Variants in ZFYVE16 observed in about 807,000 individuals in gnomAD.
ZFYVE16 encodes the protein zinc finger FYVE domain-containing protein 16.
Under a neutral mutation model 138.1 loss-of-function variants are expected in ZFYVE16, and 89 were observed. The ratio of observed to expected loss-of-function variants is 0.64; its 90% CI spans 0.54 to 0.77. The LOEUF is 0.77. ZFYVE16 is among the 30% of genes least tolerant of loss of function. The probability of loss-of-function intolerance (pLI) is 0.00; values close to 1 mark genes in which losing one functional copy is unlikely to be tolerated. For synonymous variants in ZFYVE16, 596 were observed against 618.3 expected, an observed-to-expected ratio of 0.96 and a Z score of 0.53; for missense variants, 1,793 against 1,786.7, an observed-to-expected ratio of 1.00 and a Z score of -0.06.
chr5:80,437,465 C>T lies in ZFYVE16; in HGVS notation c.780C>T (p.Asp260=). 1 of 1,602,982 alleles carries T rather than the reference C, an allele frequency of 6.2e-7. No homozygotes were observed. ...RQSSKMFHAK[D]KLQHKSQPCG... ...GTTCCAAAATGTTTCATGCCAAAGACAAGCTACAACACAAGAGCCAGCCAT... is the reference window on the plus strand; with the variant it reads ...GTTCCAAAATGTTTCATGCCAAAGATAAGCTACAACACAAGAGCCAGCCAT... Residue 260 remains aspartate (D), a synonymous_variant, in exon 4 of 19, where the codon GAC becomes GAT. Transcript: ENST00000505560.
intron 10 of ZFYVE16, 147 bp from the exon 11 acceptor site, chr5:80,451,337 AT>A (rs1266888149): frequency 1.0e-5 from 6 of 585,320 alleles, no homozygotes; most frequent in Non-Finnish European, 1.7e-5. Context: ...AAGAAAAAAA[AT>A]CTATAGTGTC....
At chr5:80,434,017 C>G in intron 2 of ZFYVE16, 92 bp from the exon 3 acceptor site, 1 of 832,042 alleles carries the variant, frequency 1.2e-6, no homozygotes, top group South Asian at 2.1e-5. Context: ...ATTTCTGTGT[C>G]AATTTCTTGA....
intron 2 of ZFYVE16, among the ~76,000 whole-genome samples, chr5:80,430,613 A>G (rs1748853628): frequency 6.6e-6 from 1 of 152,090 alleles, no homozygotes; most frequent in African/African-American, 2.4e-5. Context: ...GGAGATAGAG[A>G]CACAAAAAAC....
At chr5:80,441,032 T>G in intron 5 of ZFYVE16, 1 of 985,454 alleles carries the variant, frequency 1.0e-6, no homozygotes, top group Non-Finnish European at 1.2e-6. Context: ...GTTTCCATGT[T>G]ACCACCATTG....
In ZFYVE16 at chr5:80,480,801, G is replaced by C. The variant is rs1324014241; in HGVS notation, c.*3424G>C. ...CCAGGTGTGGTGGCTCATACTTGTG[G>C]TCCCAGCTTCACGGGGGCTGAGGTG... On this transcript the variant is annotated 3_prime_UTR_variant, in exon 19 of 19. Transcript: ENST00000505560. Among the ~76,000 whole-genome samples the C allele has an allele frequency of 6.6e-6, 1 of 151,998 alleles. No homozygotes were observed. The highest frequency in any genetic ancestry group is 1.9e-4 in the East Asian group (1 of 5,184).
chr5:80,463,641 G>C (rs544628986), intron 15 of ZFYVE16, among the ~76,000 whole-genome samples: 1 of 152,100 alleles, frequency 6.6e-6, no homozygotes, highest in Non-Finnish European at 1.5e-5. Flanking sequence ...TCAGAAAATG[G>C]GTTTTTCTTT....
At chr5:80,426,201 G>GGT (rs67789869) in intron 1 of ZFYVE16, among the ~76,000 whole-genome samples, 4,850 of 139,582 alleles carry the variant, frequency 0.035, 244 homozygotes, top group African/African-American at 0.12. Flanking sequence ...GTGTGTGTGT[G>GGT]GTGTGTGTGT....
intron 5 of ZFYVE16, among the ~76,000 whole-genome samples, chr5:80,442,590 T>A (rs1275090643): frequency 6.6e-6 from 1 of 151,828 alleles, no homozygotes; most frequent in Non-Finnish European, 1.5e-5. Context: ...AACAAGGAGG[T>A]CTGGGTAGCT....
intron 5 of ZFYVE16, chr5:80,441,023 T>C: frequency 1.0e-6 from 1 of 985,440 alleles, no homozygotes; most frequent in Non-Finnish European, 1.2e-6. Context: ...TCTTTTTATG[T>C]TTCCATGTTA....
chr5:80,482,278 A>G lies in ZFYVE16; in HGVS notation c.*4901A>G, dbSNP rs1755299514. 6.6e-6 allele frequency: 1 copy of G among 152,258 alleles called. No individual in the cohort carries two copies. Among genetic ancestry groups the G allele is most frequent in the Non-Finnish European group, 1.5e-5 (1 of 68,044 alleles). 9.4% of individuals were successfully genotyped at this position (152,258 alleles called of 1,614,324 possible). ...AAATTGTAGAACTGAAAATACAATAACAAAATTTACTGGAAGGTCTCAACA... is the reference window on the plus strand; with the variant it reads ...AAATTGTAGAACTGAAAATACAATAGCAAAATTTACTGGAAGGTCTCAACA... On this transcript the variant is annotated 3_prime_UTR_variant, in exon 19 of 19. Coordinates refer to ENST00000505560, the MANE Select transcript of ZFYVE16 (RefSeq NM_001284236.3).
chr5:80,461,930 C>T (rs2112499944), intron 15 of ZFYVE16, among the ~76,000 whole-genome samples: 1 of 152,084 alleles, frequency 6.6e-6, no homozygotes, highest in South Asian at 2.1e-4. Context: ...TGAGATTGCA[C>T]CATTGCACTC....
chr5:80,476,634 G>A (rs1337127941), intron 18 of ZFYVE16, among the ~76,000 whole-genome samples: 1 of 152,152 alleles, frequency 6.6e-6, no homozygotes, highest in Non-Finnish European at 1.5e-5. Context: ...TAAGCTAAAC[G>A]TGGGTGAGTT....
intron 2 of ZFYVE16, among the ~76,000 whole-genome samples, chr5:80,431,869 A>C (rs1452144026): frequency 6.6e-6 from 1 of 152,218 alleles, no homozygotes; most frequent in Non-Finnish European, 1.5e-5. Context: ...TAGGAATCCA[A>C]CTTACAAGGG....
intron 15 of ZFYVE16, among the ~76,000 whole-genome samples, chr5:80,470,064 C>CGTGTGTGT (rs369109701): frequency 0.017 from 1,028 of 59,494 alleles, 27 homozygotes; most frequent in South Asian, 0.039. Context: ...TGTATATATA[C>CGTGTGTGT]GTGTGTGTGT....
chr5:80,426,159 G>T lies in ZFYVE16; in HGVS notation c.-93-1333G>T, dbSNP rs561528307. On this transcript the variant is annotated intron_variant, in intron 1 of 18. Coordinates refer to ENST00000505560, the MANE Select transcript of ZFYVE16 (RefSeq NM_001284236.3). ...GAAATTTCAATATTATTAAGGACAG[G>T]GTTCCCCGGATTGAGATATATATAT... 5.7e-3 allele frequency among the ~76,000 whole-genome samples: 859 copies of T among 149,720 alleles called. 8 individuals are homozygous for T. The highest frequency in any genetic ancestry group is 0.02 in the African/African-American group (792 of 40,412).
At chr5:80,407,847 TC>T (rs920734623), upstream of ZFYVE16, among the ~76,000 whole-genome samples, 4 of 152,080 alleles carry the variant, frequency 2.6e-5, no homozygotes, top group African/African-American at 9.7e-5. Context: ...TCATCAGGCG[TC>T]CCCGTCACCC....
chr5:80,481,681 T>TA lies in ZFYVE16; in HGVS notation c.*4305dup, dbSNP rs1408291044. ...AGAGAATATCATAATATTCCAAATATATCCCAGAAACAACCCAAAATGATT... is the reference window on the plus strand; with the variant it reads ...AGAGAATATCATAATATTCCAAATATAATCCCAGAAACAACCCAAAATGATT... On this transcript the variant is annotated 3_prime_UTR_variant, in exon 19 of 19. Transcript: ENST00000505560. Among the ~76,000 whole-genome samples the TA allele has an allele frequency of 6.6e-6, 1 of 152,102 alleles. No individual in the cohort carries two copies. Among genetic ancestry groups the TA allele is most frequent in the Non-Finnish European group, 1.5e-5 (1 of 68,018 alleles).
chr5:80,447,287 A>G (rs902184486), intron 7 of ZFYVE16, among the ~76,000 whole-genome samples: 29 of 150,674 alleles, frequency 1.9e-4, no homozygotes, highest in African/African-American at 6.6e-4. Context: ...AAAAAAAAAA[A>G]AAAGAGAGAA....
chr5:80,435,145 C>T (rs1158212947), intron 3 of ZFYVE16, among the ~76,000 whole-genome samples: 1 of 152,238 alleles, frequency 6.6e-6, no homozygotes, highest in Non-Finnish European at 1.5e-5. Context: ...AGCGATTCTC[C>T]TGCCTCAGCC....
Sources: allele counts gnomAD v4.1 joint callset (sites outside exome capture counted in the v4.1 genomes callset), GRCh38; gene constraint gnomAD v4.1.1; transcripts MANE v1.5; gene names NCBI Gene and HGNC (gene_info 2026-07-23, HGNC 2026-07-21).